The following WSCD2 variants were observed in gnomAD, a reference collection of about 807,000 sequenced individuals.
WSCD2 encodes the protein WSC domain sialate O sulfotransferase 2.
Under a neutral mutation model 55.7 loss-of-function variants are expected in WSCD2, and 28 were observed. The observed-to-expected ratio is 0.50, with a 90% CI of 0.37 to 0.69. WSCD2 has a LOEUF of 0.69. Ranked by LOEUF, WSCD2 falls within the 30% of genes least tolerant of loss-of-function variation. WSCD2 has a pLI of 0.00. For missense variants in WSCD2, 616 were observed against 762.1 expected, an observed-to-expected ratio of 0.81 and a Z score of 2.26; for synonymous variants, 301 against 301.9, an observed-to-expected ratio of 1.00 and a Z score of 0.03.
chr12:108,152,011 G>A (rs930382573), intron 1 of WSCD2, among the ~76,000 whole-genome samples: 1 of 152,162 alleles, frequency 6.6e-6, no homozygotes. Flanking sequence ...CAAGGGCGGC[G>A]TCGCTGCTCT....
chr12:108,148,037 G>A (rs1217152706), intron 1 of WSCD2, among the ~76,000 whole-genome samples: 1 of 152,164 alleles, frequency 6.6e-6, no homozygotes, highest in South Asian at 2.1e-4. Context: ...CACCCTGTGA[G>A]TGACTTATTT....
chr12:108,175,545 C>T (rs529312993), intron 1 of WSCD2, among the ~76,000 whole-genome samples: 27 of 152,222 alleles, frequency 1.8e-4, no homozygotes, highest in Non-Finnish European at 2.8e-4. Context: ...GGGGTGGTGG[C>T]TGCCTGCAGA....
At chr12:108,155,378 G>T (rs368298713) in intron 1 of WSCD2, among the ~76,000 whole-genome samples, 1 of 152,174 alleles carries the variant, frequency 6.6e-6, no homozygotes, top group African/African-American at 2.4e-5. Context: ...GCTCTCAGCA[G>T]GGAGACAAAA....
At chr12:108,141,613 C>T (rs1047028083) in intron 1 of WSCD2, among the ~76,000 whole-genome samples, 1 of 152,224 alleles carries the variant, frequency 6.6e-6, no homozygotes, top group African/African-American at 2.4e-5. Flanking sequence ...CTGCGACTCT[C>T]CATCAGGACC....
In WSCD2 at chr12:108,232,861, C is replaced by A. The variant is rs754656124; in HGVS notation, c.1110C>A (p.Gly370=). 2 of 1,613,820 alleles carry A rather than the reference C, an allele frequency of 1.2e-6. No homozygotes were observed. Among genetic ancestry groups the A allele is most frequent in the South Asian group, 2.2e-5 (2 of 91,080 alleles). Residue 370 remains glycine (G), a synonymous_variant, in exon 7 of 9, where the codon GGC becomes GGA. Coordinates refer to ENST00000547525, the MANE Select transcript of WSCD2 (RefSeq NM_014653.4). ...LIELATGFYT[G]SYYFDGSLYN... Reference sequence around the variant, plus strand: ...AATTGGCCACAGGCTTCTACACTGGCAGCTACTACTTCGATGGCTCCCTCT... The same window carrying A: ...AATTGGCCACAGGCTTCTACACTGGAAGCTACTACTTCGATGGCTCCCTCT...
Position 108,248,323 on chromosome 12 carries a change from G to A in WSCD2, c.1678G>A (p.Asp560Asn), listed in dbSNP as rs371843593. Reference protein sequence around the residue: ...LKGRNLTGVPDDYYPR With the variant: ...LKGRNLTGVPNDYYPR ...AGGGCGGAACCTAACGGGTGTCCCC[G>A]ATGACTACTACCCAAGATGATGCGT... The change falls in exon 9 of 9, where the codon GAT becomes AAT. Residue 560 changes from aspartate to asparagine, a missense_variant. Asp to Asn is a conservative substitution (Grantham distance 23, BLOSUM62 1). Coordinates refer to ENST00000547525, the MANE Select transcript of WSCD2 (RefSeq NM_014653.4). The surrounding 1 kb of genome is among the most constrained non-coding windows in gnomAD (Gnocchi z 4.3). 1.1e-5 allele frequency: 17 copies of A among 1,613,402 alleles called. No homozygotes were observed. Among genetic ancestry groups the A allele is most frequent in the African/African-American group, 1.3e-5 (1 of 75,040 alleles).
chr12:108,196,390 CAG>C, intron 2 of WSCD2, 176 bp downstream of exon 2: 1 of 1,100,338 alleles, frequency 9.1e-7, no homozygotes, highest in Admixed American at 3.1e-5. Flanking sequence ...AATTGAAGCT[CAG>C]AGAGATGAAG....
chr12:108,246,513 T>A (rs1890095690), intron 8 of WSCD2, among the ~76,000 whole-genome samples: 2 of 152,170 alleles, frequency 1.3e-5, no homozygotes, highest in African/African-American at 4.8e-5. Flanking sequence ...CCCAACGCCA[T>A]CCAGGTTCCC....
intron 1 of WSCD2, among the ~76,000 whole-genome samples, chr12:108,130,527 G>C (rs1412537213): frequency 6.6e-6 from 1 of 150,592 alleles, no homozygotes; most frequent in Non-Finnish European, 1.5e-5. Flanking sequence ...TGTGTAAAGA[G>C]AGAGAGGGAA....
At chr12:108,175,191 G>A (rs766728750) in intron 1 of WSCD2, among the ~76,000 whole-genome samples, 2 of 152,280 alleles carry the variant, frequency 1.3e-5, no homozygotes, top group East Asian at 1.9e-4. Flanking sequence ...CAGCACACAG[G>A]GGGCAGGAAT....
At chr12:108,147,692 T>C (rs1258221102) in intron 1 of WSCD2, among the ~76,000 whole-genome samples, 2 of 151,998 alleles carry the variant, frequency 1.3e-5, no homozygotes, top group African/African-American at 2.4e-5. Context: ...GCCTGGGCAA[T>C]GTGGCAGAAC....
intron 8 of WSCD2, among the ~76,000 whole-genome samples, chr12:108,243,928 G>C (rs535097548): frequency 1.3e-5 from 2 of 152,116 alleles, no homozygotes; most frequent in African/African-American, 4.8e-5. Context: ...TCTGCTTTTG[G>C]TTCCATAGAG....
At chr12:108,136,235 G>A (rs895932118) in intron 1 of WSCD2, among the ~76,000 whole-genome samples, 1 of 149,764 alleles carries the variant, frequency 6.7e-6, no homozygotes, top group African/African-American at 2.5e-5. Context: ...TAGACAGTAG[G>A]AGGCAGGTGA....
At chr12:108,146,332 T>A (rs2136898461) in intron 1 of WSCD2, among the ~76,000 whole-genome samples, 1 of 152,310 alleles carries the variant, frequency 6.6e-6, no homozygotes, top group Middle Eastern at 3.4e-3. Context: ...TGAGTGTGGG[T>A]GCGCCCCACT....
rs540981170 is a variant in WSCD2 at position 108,220,702 on chromosome 12, A to T, written c.683-4037A>T. On this transcript the variant is annotated intron_variant, in intron 4 of 8. Transcript: ENST00000547525. ...GTGCCACCACACATAGCTAATTAAAAATATATATATATATTTGTAGAGATA... is the reference window on the plus strand; with the variant it reads ...GTGCCACCACACATAGCTAATTAAATATATATATATATATTTGTAGAGATA... Among the ~76,000 whole-genome samples the T allele has an allele frequency of 6.3e-4, 96 of 151,632 alleles. 3 individuals carry two copies. In the South Asian group the frequency reaches 0.016, roughly 26 times the overall value.
chr12:108,148,459 GGTGGGTAGT>G (rs1021800019), intron 1 of WSCD2, among the ~76,000 whole-genome samples: 187 of 152,040 alleles, frequency 1.2e-3, no homozygotes, highest in African/African-American at 4.3e-3. Flanking sequence ...GGACAATGGC[GGTGGGTAGT>G]GTGGGAGGTA....
chr12:108,143,599 A>G (rs1877081810), intron 1 of WSCD2, among the ~76,000 whole-genome samples: 1 of 152,164 alleles, frequency 6.6e-6, no homozygotes, highest in Non-Finnish European at 1.5e-5. Context: ...CCAGCGTGCA[A>G]TGTGCCTGGT....
rs562700433 is a variant in WSCD2 at position 108,196,516 on chromosome 12, T to C, written c.382+302T>C. The stretch of plus-strand genomic sequence containing the variant: ...GTAGCCTTTTACAGTCCTTGTTAAA[T>C]ATACATGAAAATAAAACAGTCAGCA... On this transcript the variant is annotated intron_variant, in intron 2 of 8. Transcript: ENST00000547525. 2.5e-3 allele frequency: 805 copies of C among 320,690 alleles called. 3 individuals carry two copies. The highest frequency in any genetic ancestry group is 3.3e-3 in the Non-Finnish European group (574 of 176,144). 19.9% of individuals were successfully genotyped at this position (320,690 alleles called of 1,614,324 possible).
At chr12:108,226,932 T>C (rs1208667780) in intron 5 of WSCD2, 58 bp from the exon 6 acceptor site, 2 of 1,552,992 alleles carry the variant, frequency 1.3e-6, no homozygotes, top group Non-Finnish European at 1.7e-6. Flanking sequence ...ATTTGGAGTC[T>C]GAAGCTGTCC....
Sources: allele counts gnomAD v4.1 joint callset (sites outside exome capture counted in the v4.1 genomes callset), GRCh38; gene constraint gnomAD v4.1.1; non-coding constraint Gnocchi (gnomAD v3.1); transcripts MANE v1.5; gene names NCBI Gene and HGNC (gene_info 2026-07-23, HGNC 2026-07-21).